Variants in SPATA17 observed in about 807,000 individuals in gnomAD.
SPATA17 encodes the protein spermatogenesis associated 17.
SPATA17 carries 53 observed loss-of-function variants against 62.2 expected under a neutral mutation model. That is an observed-to-expected ratio of 0.85 (90% CI 0.68 to 1.07). SPATA17 has a LOEUF of 1.07. Ranked by LOEUF, SPATA17 falls within the 50% of genes least tolerant of loss-of-function variation. SPATA17 has a pLI of 0.00. For missense variants in SPATA17, 466 were observed against 425.5 expected, an observed-to-expected ratio of 1.10 and a Z score of -0.84; for synonymous variants, 146 against 146.8, an observed-to-expected ratio of 0.99 and a Z score of 0.04.
At chr1:217,639,371 AG>A (rs1670006760) in intron 1 of SPATA17, among the ~76,000 whole-genome samples, 1 of 152,164 alleles carries the variant, frequency 6.6e-6, no homozygotes, top group Non-Finnish European at 1.5e-5. Context: ...AGACATTTTC[AG>A]ACATGTAAAG....
chr1:217,704,497 G>T (rs943504345), intron 5 of SPATA17, among the ~76,000 whole-genome samples: 2 of 150,958 alleles, frequency 1.3e-5, no homozygotes, highest in Non-Finnish European at 3.0e-5. Context: ...TGATCCACCC[G>T]CCTCGGCCTC....
At chr1:217,649,428 G>T (rs1221901069) in intron 2 of SPATA17, among the ~76,000 whole-genome samples, 2 of 152,172 alleles carry the variant, frequency 1.3e-5, no homozygotes, top group East Asian at 3.9e-4. Context: ...GCAGTGAGCT[G>T]AGAAGGTGCC....
intron 5 of SPATA17, among the ~76,000 whole-genome samples, chr1:217,684,222 A>G (rs1002127543): frequency 6.6e-6 from 1 of 152,186 alleles, no homozygotes; most frequent in East Asian, 1.9e-4. Flanking sequence ...AAAGTTCTAT[A>G]TGTTAAGTTT....
At chr1:217,772,289 A>G (rs962185119) in intron 6 of SPATA17, among the ~76,000 whole-genome samples, 1 of 152,184 alleles carries the variant, frequency 6.6e-6, no homozygotes, top group Non-Finnish European at 1.5e-5. Context: ...GACATTAAAA[A>G]TGGTTTATAT....
chr1:217,674,611 G>A (rs750508972), intron 4 of SPATA17, among the ~76,000 whole-genome samples: 5 of 152,202 alleles, frequency 3.3e-5, no homozygotes, highest in South Asian at 4.1e-4. Context: ...AGGGGAACAC[G>A]GTGGTGCCCA....
intron 5 of SPATA17, among the ~76,000 whole-genome samples, chr1:217,723,218 T>C (rs912491102): frequency 6.6e-5 from 10 of 152,182 alleles, no homozygotes; most frequent in Admixed American, 4.6e-4. Flanking sequence ...CAATTTATCT[T>C]ATGAAAGGGT....
At chr1:217,859,948 A>G (rs1380386273) in intron 9 of SPATA17, among the ~76,000 whole-genome samples, 1 of 151,912 alleles carries the variant, frequency 6.6e-6, no homozygotes, top group Non-Finnish European at 1.5e-5. Context: ...TTACTTTGTA[A>G]TTAATTTGCT....
chr1:217,701,679 A>C (rs1238952748), intron 5 of SPATA17, among the ~76,000 whole-genome samples: 1 of 152,052 alleles, frequency 6.6e-6, no homozygotes, highest in East Asian at 1.9e-4. Flanking sequence ...GAGCCATCAC[A>C]CCTGGCCTAT....
At chr1:217,845,125 T>C (rs1675494426) in intron 9 of SPATA17, among the ~76,000 whole-genome samples, 1 of 152,138 alleles carries the variant, frequency 6.6e-6, no homozygotes, top group African/African-American at 2.4e-5. Flanking sequence ...TTTTCATAAG[T>C]TGGTTGAAGC....
chr1:217,796,896 T>C (rs567608135), intron 8 of SPATA17, among the ~76,000 whole-genome samples: 1 of 152,382 alleles, frequency 6.6e-6, no homozygotes, highest in Admixed American at 6.5e-5. Flanking sequence ...GTTATTTATT[T>C]GCTGACCTTT....
chr1:217,676,035 T>C (rs958935848), intron 4 of SPATA17, among the ~76,000 whole-genome samples: 1 of 152,172 alleles, frequency 6.6e-6, no homozygotes, highest in African/African-American at 2.4e-5. Flanking sequence ...AGCATCCTTA[T>C]TGGTAGTACA....
rs1553367059 is a variant in SPATA17 at position 217,702,032 on chromosome 1, G to GTGTA, written c.395+18672_395+18673insGTAT. Among the ~76,000 whole-genome samples the GTGTA allele has an allele frequency of 9.2e-4, 136 of 147,856 alleles. 1 individual carries two copies. In the South Asian group the frequency reaches 0.012, roughly 13 times the overall value. Reference sequence around the variant, plus strand: ...TTAGAGGCAATCACTAAAATTTGGTGTATATATATATATATATATGCAGAT... The same window carrying GTGTA: ...TTAGAGGCAATCACTAAAATTTGGTGTGTATATATATATATATATATATGCAGAT... On this transcript the variant is annotated intron_variant, in intron 5 of 10. Coordinates refer to ENST00000366933, the MANE Select transcript of SPATA17 (RefSeq NM_138796.4).
chr1:217,826,428 T>A (rs1254735034), intron 9 of SPATA17, among the ~76,000 whole-genome samples: 10 of 152,102 alleles, frequency 6.6e-5, no homozygotes, highest in Non-Finnish European at 1.5e-5. Flanking sequence ...CTGTAAAGAT[T>A]CTTGAACATT....
intron 9 of SPATA17, among the ~76,000 whole-genome samples, chr1:217,815,433 A>G (rs1346897183): frequency 6.6e-6 from 1 of 152,178 alleles, no homozygotes; most frequent in Admixed American, 6.6e-5. Flanking sequence ...ATTTAGCAGC[A>G]GCGTGTTTTG....
At chr1:217,706,548 C>T (rs1671741537) in intron 5 of SPATA17, among the ~76,000 whole-genome samples, 1 of 152,152 alleles carries the variant, frequency 6.6e-6, no homozygotes, top group Admixed American at 6.5e-5. Context: ...CACGTTCTTG[C>T]TCTTGCCTGC....
At chr1:217,727,299 CTG>C (rs963926815) in intron 5 of SPATA17, among the ~76,000 whole-genome samples, 3 of 147,462 alleles carry the variant, frequency 2.0e-5, no homozygotes, top group East Asian at 2.0e-4. Flanking sequence ...CAACAAAAAA[CTG>C]TTATTCTTAT....
intron 6 of SPATA17, among the ~76,000 whole-genome samples, chr1:217,757,771 G>A (rs1362872464): frequency 6.6e-6 from 1 of 152,164 alleles, no homozygotes; most frequent in East Asian, 1.9e-4. Flanking sequence ...ACCCCGAAAA[G>A]GTGAAAGAGG....
intron 10 of SPATA17, among the ~76,000 whole-genome samples, chr1:217,865,670 C>T (rs1451762091): frequency 1.3e-5 from 2 of 152,146 alleles, no homozygotes; most frequent in Admixed American, 6.5e-5. Flanking sequence ...GGCAGAGTCT[C>T]TTTAAACATT....
intron 6 of SPATA17, among the ~76,000 whole-genome samples, chr1:217,764,620 C>A (rs1673253718): frequency 6.6e-6 from 1 of 151,992 alleles, no homozygotes; most frequent in Non-Finnish European, 1.5e-5. Flanking sequence ...GATAAGAGTA[C>A]GTTTAGTTTT....
Sources: gnomAD v4.1 joint callset for allele counts (sites outside exome capture counted in the v4.1 genomes callset) on GRCh38, gnomAD v4.1.1 for gene constraint, MANE v1.5 for transcripts, NCBI Gene and HGNC (gene_info 2026-07-23, HGNC 2026-07-21) for gene names.